Variants in ANXA8 observed in about 807,000 individuals in gnomAD.
ANXA8 encodes the protein VAC-beta.
ANXA8 carries 9 observed loss-of-function variants against 26.8 expected under a neutral mutation model. The observed-to-expected ratio is 0.34, with a 90% CI of 0.20 to 0.59. The LOEUF (loss-of-function observed/expected upper bound fraction) is 0.59. ANXA8 is among the 20% of genes least tolerant of loss of function. The pLI, the probability that ANXA8 is intolerant of heterozygous loss-of-function variation, is 0.84. For synonymous variants in ANXA8, 39 were observed against 94.8 expected (o/e 0.41, Z 3.42); for missense variants, 83 against 238.5 (o/e 0.35, Z 4.29).
chr10:47,654,409 G>T, the ANXA8 span, among the ~76,000 whole-genome samples: 2 of 145,782 alleles, frequency 1.4e-5, no homozygotes, highest in South Asian at 4.2e-4. Context: ...TGTGAGAAGA[G>T]CAAAGAAAGG....
the ANXA8 span, among the ~76,000 whole-genome samples, chr10:47,521,938 G>A: frequency 6.0e-5 from 9 of 150,018 alleles, no homozygotes; most frequent in East Asian, 4.1e-4. Context: ...GCGCCACTAC[G>A]CCCAGCTAAT....
the ANXA8 span, among the ~76,000 whole-genome samples, chr10:47,530,457 G>A: frequency 6.7e-6 from 1 of 148,378 alleles, no homozygotes; most frequent in African/African-American, 2.5e-5. Flanking sequence ...GGAGGCTGAG[G>A]CGGGTGGATC....
chr10:47,557,787 A>C, the ANXA8 span, among the ~76,000 whole-genome samples: 3 of 146,276 alleles, frequency 2.1e-5, no homozygotes, highest in Admixed American at 6.9e-5. Context: ...TAAAAAAAAA[A>C]CAGTGACTCT....
upstream of ANXA8, among the ~76,000 whole-genome samples, chr10:47,489,015 A>ATG (rs1840098972): frequency 7.0e-6 from 1 of 142,924 alleles, no homozygotes; most frequent in African/African-American, 2.6e-5. Flanking sequence ...GCCCCCAGCA[A>ATG]TTATTTTTTT....
the ANXA8 span, among the ~76,000 whole-genome samples, chr10:47,534,711 A>G: frequency 9.7e-6 from 1 of 103,540 alleles, no homozygotes; most frequent in Non-Finnish European, 1.9e-5. Flanking sequence ...CTAGAGTGCA[A>G]TGGTGCGATC....
chr10:47,965,995 C>G, the ANXA8 span, among the ~76,000 whole-genome samples: 4 of 121,580 alleles, frequency 3.3e-5, 1 homozygote, highest in East Asian at 2.3e-4. Context: ...TGCCCCTCCC[C>G]CCAACCTCCA....
At chr10:47,505,922 TC>T in the ANXA8 span, among the ~76,000 whole-genome samples, 1 of 139,698 alleles carries the variant, frequency 7.2e-6, no homozygotes, top group Non-Finnish European at 1.5e-5. Context: ...ACGTATTTGT[TC>T]CCAATGATAA....
At chr10:47,690,867 C>T in the ANXA8 span, 1 of 1,611,452 alleles carries the variant, frequency 6.2e-7, no homozygotes, top group South Asian at 1.1e-5. Context: ...ATAAAGTGGC[C>T]CAGTCTGAAG....
At chr10:47,906,109 TC>T in the ANXA8 span, among the ~76,000 whole-genome samples, 530 of 33,316 alleles carry the variant, frequency 0.016, 7 homozygotes, top group African/African-American at 0.094. Flanking sequence ...ATTAATGTTT[TC>T]CATTCTGGCC....
At position 47,483,951 on chromosome 10, in the gene ANXA8, C is replaced by A; in HGVS notation, c.-18G>T. ...CAGGCCATCTCTTTCACCTCGGGGG[C>A]ACCTTTCCCAGGGAGATGAAGAGAC... On this transcript the variant is annotated 5_prime_UTR_variant, in exon 1 of 12. Transcript: ENST00000585281. The A allele has an allele frequency of 6.2e-7, 1 of 1,611,716 alleles. No homozygotes were observed. The highest frequency in any genetic ancestry group is 8.5e-7 in the Non-Finnish European group (1 of 1,179,852).
the ANXA8 span, among the ~76,000 whole-genome samples, chr10:47,646,001 T>G: frequency 6.7e-6 from 1 of 149,172 alleles, no homozygotes; most frequent in South Asian, 2.1e-4. Context: ...GACATCCTTG[T>G]GAGCCAATTC....
chr10:47,606,927 C>A, the ANXA8 span, among the ~76,000 whole-genome samples: 1 of 152,154 alleles, frequency 6.6e-6, no homozygotes, highest in Non-Finnish European at 1.5e-5. Flanking sequence ...CTAGTATTCC[C>A]AAATCCCTTT....
the ANXA8 span, among the ~76,000 whole-genome samples, chr10:47,693,762 T>C: frequency 6.6e-6 from 1 of 151,910 alleles, no homozygotes; most frequent in South Asian, 2.1e-4. Context: ...ACCTCTTTGC[T>C]TGTGATTTGG....
At chr10:47,639,063 C>T in the ANXA8 span, among the ~76,000 whole-genome samples, 1 of 150,080 alleles carries the variant, frequency 6.7e-6, no homozygotes, top group Non-Finnish European at 1.5e-5. Flanking sequence ...AAAATGAGTG[C>T]TGTATCTATT....
At chr10:47,776,593 A>G in the ANXA8 span, among the ~76,000 whole-genome samples, 2 of 152,034 alleles carry the variant, frequency 1.3e-5, no homozygotes. Context: ...CTTTCTCCAG[A>G]TTCCCAGATA....
chr10:47,978,221 A>G, the ANXA8 span, among the ~76,000 whole-genome samples: 4 of 151,884 alleles, frequency 2.6e-5, no homozygotes, highest in African/African-American at 4.8e-5. Flanking sequence ...TAGCAAAGGT[A>G]TCTTTGAAAA....
the ANXA8 span, among the ~76,000 whole-genome samples, chr10:47,968,352 G>C: frequency 6.7e-6 from 1 of 149,448 alleles, no homozygotes; most frequent in Non-Finnish European, 1.5e-5. Flanking sequence ...CAGAGCTTCT[G>C]CCTCCAAAAT....
chr10:47,762,773 C>A, the ANXA8 span: 1 of 1,200,154 alleles, frequency 8.3e-7, no homozygotes, highest in Non-Finnish European at 1.0e-6. Context: ...TGCCCAGCTG[C>A]GGCGCGGGGA....
At chr10:47,750,734 G>A in the ANXA8 span, 4 of 143,516 alleles carry the variant, frequency 2.8e-5, no homozygotes, top group Middle Eastern at 3.5e-3. Context: ...CACTGAGCTC[G>A]ACTTAAATCT....
Sources: gnomAD v4.1 joint callset for allele counts (sites outside exome capture counted in the v4.1 genomes callset) on GRCh38, gnomAD v4.1.1 for gene constraint, MANE v1.5 for transcripts, NCBI Gene and HGNC (gene_info 2026-07-23, HGNC 2026-07-21) for gene names.